The following CDH12 variants were observed in gnomAD, a reference collection of about 807,000 sequenced individuals.
CDH12 encodes cadherin 12.
Under a neutral mutation model 74.1 loss-of-function variants are expected in CDH12, and 41 were observed. The observed-to-expected ratio is 0.55, with a 90% CI of 0.43 to 0.72. The LOEUF (loss-of-function observed/expected upper bound fraction) is 0.72, where lower values mean the gene tolerates loss of function less well. Ranked by LOEUF, CDH12 falls within the 30% of genes least tolerant of loss-of-function variation. The pLI, the probability that CDH12 is intolerant of heterozygous loss-of-function variation, is 0.00. For missense variants in CDH12, 945 were observed against 977.2 expected (o/e 0.97, Z 0.44); for synonymous variants, 399 against 355.0 (o/e 1.12, Z -1.39).
intron 1 of CDH12, among the ~76,000 whole-genome samples, chr5:22,521,423 A>C (rs1737050961): frequency 6.7e-6 from 1 of 149,750 alleles, no homozygotes; most frequent in African/African-American, 2.6e-5. Flanking sequence ...TGGAACTTAT[A>C]TTTAGTTAGG....
At chr5:21,756,528 G>A (rs1028878092) in intron 13 of CDH12, among the ~76,000 whole-genome samples, 6 of 152,064 alleles carry the variant, frequency 3.9e-5, no homozygotes, top group Non-Finnish European at 5.9e-5. Context: ...GCAATAATGT[G>A]AGACAATAAA....
intron 1 of CDH12, among the ~76,000 whole-genome samples, chr5:22,654,236 G>C (rs113987721): frequency 8.2e-4 from 101 of 122,826 alleles, no homozygotes; most frequent in Admixed American, 1.4e-3. Context: ...TTGTTTCTTT[G>C]TTTCTTTCTT....
intron 6 of CDH12, among the ~76,000 whole-genome samples, chr5:21,938,196 C>T (rs1305669104): frequency 2.0e-5 from 3 of 151,928 alleles, no homozygotes; most frequent in Admixed American, 2.0e-4. Flanking sequence ...GCTCTCTCTC[C>T]AGAGTAGTTA....
chr5:22,248,865 A>C (rs1753044602), intron 3 of CDH12, among the ~76,000 whole-genome samples: 1 of 152,062 alleles, frequency 6.6e-6, no homozygotes, highest in African/African-American at 2.4e-5. Flanking sequence ...TTAATCATTT[A>C]TATTACAAAT....
intron 1 of CDH12, among the ~76,000 whole-genome samples, chr5:22,606,019 C>T (rs1737098102): frequency 6.6e-6 from 1 of 152,188 alleles, no homozygotes; most frequent in South Asian, 2.1e-4. Flanking sequence ...AGCTCAAAAA[C>T]CAGCTGGATA....
intron 4 of CDH12, among the ~76,000 whole-genome samples, chr5:22,138,261 G>A (rs112294723): frequency 0.15 from 22,717 of 151,630 alleles, 2,010 homozygotes; most frequent in African/African-American, 0.25. Flanking sequence ...TGAAGATTTA[G>A]GTTCTGAAAG....
At chr5:22,551,638 T>C (rs376844758) in intron 1 of CDH12, among the ~76,000 whole-genome samples, 1 of 152,116 alleles carries the variant, frequency 6.6e-6, no homozygotes, top group South Asian at 2.1e-4. Flanking sequence ...TTCATGTTTA[T>C]CATAAAAAAC....
intron 6 of CDH12, among the ~76,000 whole-genome samples, chr5:21,966,419 A>C (rs1183166016): frequency 2.6e-5 from 4 of 151,988 alleles, no homozygotes; most frequent in Non-Finnish European, 4.4e-5. Flanking sequence ...AATAAGTGTA[A>C]CTGTTCCAAT....
intron 4 of CDH12, among the ~76,000 whole-genome samples, chr5:22,145,047 GA>G (rs1747067668): frequency 6.6e-6 from 1 of 152,066 alleles, no homozygotes; most frequent in African/African-American, 2.4e-5. Context: ...TTATTTTGCA[GA>G]AGAAGACACT....
At chr5:22,795,603 A>C (rs995818612) in intron 1 of CDH12, among the ~76,000 whole-genome samples, 1 of 151,354 alleles carries the variant, frequency 6.6e-6, no homozygotes, top group African/African-American at 2.4e-5. Flanking sequence ...ATACACACAC[A>C]CACACAAACA....
chr5:21,759,171 T>C (rs1390929489), intron 13 of CDH12, among the ~76,000 whole-genome samples: 2 of 152,148 alleles, frequency 1.3e-5, no homozygotes, highest in South Asian at 2.1e-4. Context: ...TTCCATATCA[T>C]GTTAAATAAT....
chr5:22,818,771 C>G (rs1157471715), intron 1 of CDH12, among the ~76,000 whole-genome samples: 1 of 152,006 alleles, frequency 6.6e-6, no homozygotes, highest in Admixed American at 6.6e-5. Flanking sequence ...TTCAAAGTAC[C>G]TTGGGGTTGT....
In CDH12 at chr5:21,824,971, T is replaced by C. The variant is rs186290989; in HGVS notation, c.815-7839A>G. ...GAGTTCGAGACCGGCCTGGCCAACA[T>C]GGTGAAACTCCATCTCTACCAAAAA... On this transcript the variant is annotated intron_variant, in intron 8 of 14. Transcript: ENST00000382254. Among the ~76,000 whole-genome samples, 216 of 152,108 alleles carry C rather than the reference T, an allele frequency of 1.4e-3. 1 individual carries two copies. Among genetic ancestry groups the C allele is most frequent in the Admixed American group, 4.1e-3 (63 of 15,258 alleles).
At chr5:22,563,632 T>C (rs899905338) in intron 1 of CDH12, among the ~76,000 whole-genome samples, 6 of 152,210 alleles carry the variant, frequency 3.9e-5, no homozygotes, top group Admixed American at 3.9e-4. Context: ...TTTATTCCTT[T>C]TCATGGATAT....
At chr5:22,360,126 A>G (rs900540249) in intron 3 of CDH12, among the ~76,000 whole-genome samples, 3 of 152,216 alleles carry the variant, frequency 2.0e-5, no homozygotes, top group Non-Finnish European at 4.4e-5. Context: ...CCTTCAAAAA[A>G]TCAATGAATC....
intron 5 of CDH12, among the ~76,000 whole-genome samples, chr5:22,040,080 A>T (rs1177584665): frequency 6.6e-6 from 1 of 152,136 alleles, no homozygotes; most frequent in Non-Finnish European, 1.5e-5. Flanking sequence ...AATTCAACAA[A>T]ATCTGAAGGA....
chr5:22,082,667 G>A (rs980264948), intron 4 of CDH12, among the ~76,000 whole-genome samples: 22 of 152,310 alleles, frequency 1.4e-4, no homozygotes, highest in African/African-American at 5.3e-4. Context: ...TGACTACTGT[G>A]TGTTGTTTCA....
intron 6 of CDH12, among the ~76,000 whole-genome samples, chr5:21,902,753 A>T (rs1753451612): frequency 6.6e-6 from 1 of 152,084 alleles, no homozygotes; most frequent in East Asian, 1.9e-4. Flanking sequence ...ATTTTGTTCA[A>T]TTTTTTTTAA....
chr5:21,774,904 T>C (rs1460299277), intron 11 of CDH12, among the ~76,000 whole-genome samples: 3 of 152,202 alleles, frequency 2.0e-5, no homozygotes, highest in African/African-American at 7.2e-5. Context: ...TTTTGTTTAC[T>C]AAAATTTGAG....
Sources: allele counts gnomAD v4.1 joint callset (sites outside exome capture counted in the v4.1 genomes callset), GRCh38; gene constraint gnomAD v4.1.1; transcripts MANE v1.5; gene names NCBI Gene and HGNC (gene_info 2026-07-23, HGNC 2026-07-21).